The following ZSWIM5 variants were observed in gnomAD, a reference collection of about 807,000 sequenced individuals.
ZSWIM5 encodes zinc finger SWIM-type containing 5, also known as zinc finger SWIM domain-containing protein 5.
Under a neutral mutation model 119.6 loss-of-function variants are expected in ZSWIM5, and 55 were observed. The observed-to-expected ratio is 0.46, with a 90% confidence interval of 0.37 to 0.58. ZSWIM5 has a LOEUF of 0.58. Among genes scored for constraint, ZSWIM5 ranks in the 20% least tolerant of loss-of-function variants. The probability of loss-of-function intolerance (pLI) is 0.00; values close to 1 mark genes in which losing one functional copy is unlikely to be tolerated. For missense variants in ZSWIM5, 1,193 were observed against 1,512.8 expected, an observed-to-expected ratio of 0.79 and a Z score of 3.51; for synonymous variants, 537 against 606.9, an observed-to-expected ratio of 0.88 and a Z score of 1.69.
In ZSWIM5 at chr1:45,039,003, G is replaced by A. The variant is rs199995150; in HGVS notation, c.1827C>T (p.Ile609=). 337 of 1,614,176 alleles carry A rather than the reference G, an allele frequency of 2.1e-4. No individual in the cohort carries two copies. The highest frequency in any genetic ancestry group is 2.7e-4 in the Non-Finnish European group (320 of 1,180,034). ...CAGTCAAAGTGAGAAACAGGCAGTC[G>A]ATGGGATCCAGGGGGTGGCCCACCC... ...EGWVGHPLDP[I]DCLFLTLTEA... is the part of the protein sequence containing the mutation. Residue 609 remains isoleucine (I), a synonymous_variant, in exon 8 of 14, where the codon ATC becomes ATT. Transcript: ENST00000359600.
intron 2 of ZSWIM5, among the ~76,000 whole-genome samples, chr1:45,078,366 G>C (rs922799905): frequency 3.3e-5 from 5 of 152,130 alleles, no homozygotes; most frequent in African/African-American, 1.2e-4. Context: ...TGTGATCTAA[G>C]CTGTATCTGC....
At chr1:45,054,722 G>C (rs1303829130) in intron 4 of ZSWIM5, among the ~76,000 whole-genome samples, 2 of 152,106 alleles carry the variant, frequency 1.3e-5, no homozygotes, top group African/African-American at 4.8e-5. Context: ...CATCAGCTAG[G>C]AATTAAGGTG....
At chr1:45,076,543 T>G (rs1308801882) in intron 2 of ZSWIM5, among the ~76,000 whole-genome samples, 1 of 152,154 alleles carries the variant, frequency 6.6e-6, no homozygotes, top group Non-Finnish European at 1.5e-5. Flanking sequence ...ATCCTTGACC[T>G]TTGGGAGTTT....
chr1:45,021,128 C>T (rs1343817102), intron 11 of ZSWIM5, among the ~76,000 whole-genome samples: 5 of 152,056 alleles, frequency 3.3e-5, no homozygotes, highest in East Asian at 1.9e-4. Context: ...CTCTGCCTCC[C>T]GGGTTCACAC....
chr1:45,115,433 G>A (rs1465530965), intron 1 of ZSWIM5, among the ~76,000 whole-genome samples: 1 of 150,232 alleles, frequency 6.7e-6, no homozygotes, highest in Non-Finnish European at 1.5e-5. Context: ...GGGCGGCCGG[G>A]CAGAGACGCT....
intron 1 of ZSWIM5, among the ~76,000 whole-genome samples, chr1:45,144,288 G>A (rs1441273270): frequency 6.6e-6 from 1 of 152,002 alleles, no homozygotes; most frequent in Non-Finnish European, 1.5e-5. Context: ...AGCACTTTGG[G>A]AGGCTGAGGC....
chr1:45,076,089 G>A (rs1645255167), intron 2 of ZSWIM5, among the ~76,000 whole-genome samples: 1 of 152,020 alleles, frequency 6.6e-6, no homozygotes, highest in Admixed American at 6.6e-5. Context: ...TGTCTTGAAA[G>A]TTGTAGTTAT....
intron 1 of ZSWIM5, among the ~76,000 whole-genome samples, chr1:45,110,052 A>C (rs1459103323): frequency 6.6e-6 from 1 of 152,020 alleles, no homozygotes; most frequent in Non-Finnish European, 1.5e-5. Flanking sequence ...TTTTTGGCAG[A>C]GATGGGATAT....
chr1:45,167,708 A>G (rs368780813), intron 1 of ZSWIM5, among the ~76,000 whole-genome samples: 4 of 152,190 alleles, frequency 2.6e-5, no homozygotes, highest in African/African-American at 9.6e-5. Context: ...TATGCAGCCA[A>G]CAGACACATG....
rs561285158 is a variant in ZSWIM5 at position 45,068,594 on chromosome 1, G to A, written c.953-8347C>T. On this transcript the variant is annotated intron_variant, in intron 2 of 13. Coordinates refer to ENST00000359600, the MANE Select transcript of ZSWIM5 (RefSeq NM_020883.2). ...CATGAAGGTGTTCTCTTATCTTTTA[G>A]GTTTTACTCTTCTACTTTTCACATT... Among the ~76,000 whole-genome samples the A allele has an allele frequency of 5.9e-5, 9 of 151,784 alleles. No homozygotes were observed. The East Asian group carries it at 1.7e-3, about 29-fold the overall frequency.
At chr1:45,091,575 T>C (rs928536583) in intron 1 of ZSWIM5, among the ~76,000 whole-genome samples, 2 of 150,444 alleles carry the variant, frequency 1.3e-5, no homozygotes, top group African/African-American at 4.9e-5. Context: ...AGGTGGGAGA[T>C]CACTTGAGCC....
At chr1:45,103,131 G>A (rs1202588742) in intron 1 of ZSWIM5, among the ~76,000 whole-genome samples, 1 of 152,260 alleles carries the variant, frequency 6.6e-6, no homozygotes, top group South Asian at 2.1e-4. Flanking sequence ...GCCTCCCAAA[G>A]TGCTGAGATT....
Position 45,166,282 on chromosome 1 carries a change from A to C in ZSWIM5, c.595+39474T>G, listed in dbSNP as rs185369157. The stretch of plus-strand genomic sequence containing the variant: ...AACTTCAACAGCCCTTCATGCTAAA[A>C]ACTCTCAATAAACTAGGTATTGATG... On this transcript the variant is annotated intron_variant, in intron 1 of 13. Coordinates refer to ENST00000359600, the MANE Select transcript of ZSWIM5 (RefSeq NM_020883.2). Among the ~76,000 whole-genome samples, 353 of 152,222 alleles carry C rather than the reference A, an allele frequency of 2.3e-3. 2 individuals carry two copies. The highest frequency in any genetic ancestry group is 7.7e-3 in the African/African-American group (322 of 41,552).
At chr1:45,076,739 G>C (rs540016958) in intron 2 of ZSWIM5, among the ~76,000 whole-genome samples, 31 of 152,040 alleles carry the variant, frequency 2.0e-4, no homozygotes, top group Middle Eastern at 6.8e-3. Context: ...ATAACTCTTA[G>C]ATTTGTCCCT....
At chr1:45,087,849 C>CT (rs768925415) in intron 2 of ZSWIM5, 32 bp downstream of exon 2, 78 of 1,509,220 alleles carry the variant, frequency 5.2e-5, no homozygotes, top group Middle Eastern at 4.3e-4. Flanking sequence ...TGAAAAAGAC[C>CT]TTTTTTTTCA....
intron 5 of ZSWIM5, among the ~76,000 whole-genome samples, chr1:45,046,413 G>A (rs1449949297): frequency 6.6e-6 from 1 of 152,138 alleles, no homozygotes; most frequent in East Asian, 1.9e-4. Flanking sequence ...TTTGCTCATG[G>A]ATTACAGCTG....
intron 7 of ZSWIM5, among the ~76,000 whole-genome samples, chr1:45,039,665 G>A (rs531294701): frequency 1.8e-4 from 27 of 152,122 alleles, no homozygotes; most frequent in African/African-American, 5.5e-4. Flanking sequence ...GATTACAGGC[G>A]TGAGCCACTG....
Position 45,151,622 on chromosome 1 carries a change from G to A in ZSWIM5, c.595+54134C>T, listed in dbSNP as rs150953029. Among the ~76,000 whole-genome samples the A allele has an allele frequency of 6.8e-3, 1,029 of 152,144 alleles. 21 individuals are homozygous for A. Among genetic ancestry groups the A allele is most frequent in the African/African-American group, 0.024 (997 of 41,498 alleles). On this transcript the variant is annotated intron_variant, in intron 1 of 13. Transcript: ENST00000359600. ...ACATATAACAGGGATACCTAACCTA[G>A]TGGGATTAGGAAGGCCCGACAAAAT... is the stretch of plus-strand genomic sequence containing the variant.
At chr1:45,083,529 C>T (rs1375064185) in intron 2 of ZSWIM5, among the ~76,000 whole-genome samples, 1 of 152,136 alleles carries the variant, frequency 6.6e-6, no homozygotes, top group Non-Finnish European at 1.5e-5. Context: ...GGATTACAAG[C>T]GTTAGCCACC....
Sources: allele counts gnomAD v4.1 joint callset (sites outside exome capture counted in the v4.1 genomes callset), GRCh38; gene constraint gnomAD v4.1.1; transcripts MANE v1.5; gene names NCBI Gene and HGNC (gene_info 2026-07-23, HGNC 2026-07-21).